The following PLCH2 variants were observed in gnomAD, a reference collection of about 807,000 sequenced individuals.
The protein encoded by PLCH2 is phospholipase C eta 2, also known as 1-phosphatidylinositol 4,5-bisphosphate phosphodiesterase eta-2.
A neutral mutation model predicts 134.7 loss-of-function variants in PLCH2; 98 were observed. The ratio of observed to expected loss-of-function variants is 0.73; its 90% CI spans 0.62 to 0.86. PLCH2 has a LOEUF of 0.86. Ranked by LOEUF, PLCH2 falls within the 40% of genes least tolerant of loss-of-function variation. The pLI, the probability that PLCH2 is intolerant of heterozygous loss-of-function variation, is 0.00. For synonymous variants in PLCH2, 974 were observed against 827.5 expected (o/e 1.18, Z -3.04); for missense variants, 1,994 against 1,986.6 (o/e 1.00, Z -0.07).
intron 2 of PLCH2, among the ~76,000 whole-genome samples, chr1:2,456,396 C>T (rs1025169109): frequency 2.0e-5 from 3 of 152,206 alleles, no homozygotes; most frequent in Non-Finnish European, 2.9e-5. Context: ...GGGCGGGTGG[C>T]GCTCTAGCCA....
chr1:2,444,238 C>G lies in PLCH2; in HGVS notation c.115+13609C>G, dbSNP rs1205377220. ...CCTCGGCAAACTTTCCTTCCCCGGGCTTCTGCGGAGGTCGCACTGGGGCTG... is the reference window on the plus strand; with the variant it reads ...CCTCGGCAAACTTTCCTTCCCCGGGGTTCTGCGGAGGTCGCACTGGGGCTG... On this transcript the variant is annotated intron_variant, in intron 2 of 3. Coordinates refer to the PLCH2 transcript ENST00000609981. This position sits in a 1 kb window ranked among gnomAD's most constrained non-coding sequence, Gnocchi z 4.6. Among the ~76,000 whole-genome samples, 1 of 152,232 alleles carries G rather than the reference C, an allele frequency of 6.6e-6. No homozygotes were observed. Among genetic ancestry groups the G allele is most frequent in the Non-Finnish European group, 1.5e-5 (1 of 68,032 alleles).
chr1:2,458,025 G>A (rs1246167927), intron 2 of PLCH2, among the ~76,000 whole-genome samples: 2 of 152,176 alleles, frequency 1.3e-5, no homozygotes, highest in African/African-American at 2.4e-5. Flanking sequence ...GCTGGTGGGC[G>A]CTGGGCTCAC....
At position 2,483,860 on chromosome 1, in the gene PLCH2, GGCGCTGACCCCCGTGTGGGT is replaced by G. The variant is rs1478664511; in HGVS notation, c.646-586_646-567del. ...GGTGGCGCTGACCCCCGTGTGGGGT[GGCGCTGACCCCCGTGTGGGT>G]GGCGCTGACTCCCGTGTGGGGGGGC... On this transcript the variant is annotated intron_variant, in intron 4 of 21. Transcript: ENST00000378486. Among the ~76,000 whole-genome samples, 9 of 133,388 alleles carry G rather than the reference GGCGCTGACCCCCGTGTGGGT, an allele frequency of 6.7e-5. 2 individuals are homozygous for G. Among genetic ancestry groups the G allele is most frequent in the Non-Finnish European group, 9.9e-5 (6 of 60,522 alleles). The allele number at this position is 133,388 out of a possible 152,430, so 87.5% of individuals were successfully genotyped here.
At chr1:2,483,879 GT>G (rs1642132170) in intron 4 of PLCH2, among the ~76,000 whole-genome samples, 1 of 142,218 alleles carries the variant, frequency 7.0e-6, no homozygotes, top group Admixed American at 6.9e-5. Context: ...CCCCGTGTGG[GT>G]GGCGCTGACT....
rs373331018 is a variant in PLCH2 at position 2,496,979 on chromosome 1, G to A, written c.2085G>A (p.Pro695=). The change falls in exon 15 of 22, where the codon CCG becomes CCA. Residue 695 remains proline (P), a synonymous_variant. Transcript: ENST00000378486. ...GTGTGGACTCCAGCAACTACAACCC[G>A]CAGCCCTTCTGGAACGCCGGCTGCC... ...SYRVDSSNYN[P]QPFWNAGCQM... The A allele has an allele frequency of 2.8e-4, 454 of 1,613,268 alleles. 7 individuals carry two copies. In the East Asian group the frequency reaches 5.3e-3, roughly 19 times the overall value.
chr1:2,461,493 C>T (rs1640798995), intron 2 of PLCH2, among the ~76,000 whole-genome samples: 2 of 152,164 alleles, frequency 1.3e-5, no homozygotes, highest in South Asian at 4.1e-4. Flanking sequence ...TGTGTGGGTC[C>T]TGCTGAGATG....
Position 2,437,792 on chromosome 1 carries a change from T to C in PLCH2, c.115+7163T>C, listed in dbSNP as rs375598135. Among the ~76,000 whole-genome samples the C allele has an allele frequency of 7.8e-3, 1,181 of 152,172 alleles. 9 individuals are homozygous for C. The highest frequency in any genetic ancestry group is 0.014 in the East Asian group (71 of 5,164). ...ATATGTATACCCACCCCCACACACA[T>C]AGGGAAACACATGTGTACATACAAC... On this transcript the variant is annotated intron_variant, in intron 2 of 3. Transcript: ENST00000609981.
At chr1:2,422,463 C>T (rs1638567111), upstream of PLCH2, among the ~76,000 whole-genome samples, 3 of 152,190 alleles carry the variant, frequency 2.0e-5, no homozygotes, top group African/African-American at 7.2e-5. Context: ...TGGTTGAAAT[C>T]AGTGAAGAGA....
the PLCH2 span, among the ~76,000 whole-genome samples, chr1:2,419,267 C>T: frequency 6.6e-6 from 1 of 152,224 alleles, no homozygotes; most frequent in Non-Finnish European, 1.5e-5. Flanking sequence ...GTGCTGCTGT[C>T]TGTCTATCCA....
At chr1:2,497,367 A>C in intron 15 of PLCH2, 135 bp from the exon 16 acceptor site, 1 of 670,176 alleles carries the variant, frequency 1.5e-6, no homozygotes, top group Non-Finnish European at 2.7e-6. Context: ...AGTCCCATTC[A>C]CATTGGGTGA....
At chr1:2,470,742 C>A (rs1372859731) in intron 1 of PLCH2, among the ~76,000 whole-genome samples, 46 of 152,182 alleles carry the variant, frequency 3.0e-4, no homozygotes, top group Non-Finnish European at 4.4e-5. Flanking sequence ...CTGCAGCCCC[C>A]TCCCCTCACT....
At position 2,504,328 on chromosome 1, in the gene PLCH2, C is replaced by T. The variant is rs564857617; in HGVS notation, c.3366C>T (p.Ser1122=). 6.0e-5 allele frequency: 96 copies of T among 1,609,886 alleles called. No homozygotes were observed. The highest frequency in any genetic ancestry group is 1.2e-4 in the Admixed American group (7 of 59,920). The change falls in exon 22 of 22, where the codon TCC becomes TCT. Residue 1122 remains serine, a synonymous_variant. Coordinates refer to ENST00000378486, the MANE Select transcript of PLCH2 (RefSeq NM_014638.4). The part of the protein sequence containing the change: ...AAPFPAPAVY[S]DATGSDPLWQ... ...CCTTTCCAGCTCCTGCCGTGTACTCCGATGCCACGGGCAGTGACCCGCTGT... is the reference window on the plus strand; with the variant it reads ...CCTTTCCAGCTCCTGCCGTGTACTCTGATGCCACGGGCAGTGACCCGCTGT...
At position 2,430,799 on chromosome 1, in the gene PLCH2, G is replaced by C. The variant is rs1639031754; in HGVS notation, c.115+170G>C. Reference sequence around the variant, plus strand: ...GAACTGGGGCTCTGCTAGCACCCCAGGGCAGGTGGGGCCGCCACGTGCAGA... The same window carrying C: ...GAACTGGGGCTCTGCTAGCACCCCACGGCAGGTGGGGCCGCCACGTGCAGA... On this transcript the variant is annotated intron_variant, in intron 2 of 3. Transcript: ENST00000609981. 2.0e-5 allele frequency among the ~76,000 whole-genome samples: 3 copies of C among 152,238 alleles called. No individual in the cohort carries two copies. In the South Asian group the frequency reaches 6.2e-4, roughly 32 times the overall value.
rs745626292 is a variant in PLCH2, at chr1:2,498,813, G to A, written c.2419G>A (p.Val807Met). ...GGACTGCAGCAGGGAGCAGACCCGCGTGGTGGACGACAACGGTGAGGCTGG... is the reference window on the plus strand; with the variant it reads ...GGACTGCAGCAGGGAGCAGACCCGCATGGTGGACGACAACGGTGAGGCTGG... The part of the protein sequence containing the change: ...PVDCSREQTR[V>M]VDDNGFNPTW... Residue 807 changes from valine (V) to methionine (M), a missense_variant, in exon 18 of 22, where the codon GTG becomes ATG. Val to Met is a conservative substitution (Grantham distance 21, BLOSUM62 1). Transcript: ENST00000378486. This position sits in a 1 kb window ranked among gnomAD's most constrained non-coding sequence, Gnocchi z 5.4. 6 of 1,609,986 alleles carry A rather than the reference G, an allele frequency of 3.7e-6. No homozygotes were observed. The highest frequency in any genetic ancestry group is 1.3e-5 in the African/African-American group (1 of 74,986).
At chr1:2,503,390 T>A in intron 21 of PLCH2, 3 of 588,524 alleles carry the variant, frequency 5.1e-6, no homozygotes, top group Non-Finnish European at 9.1e-6. Context: ...GTGCAGCTGC[T>A]GGGCGTCTCC....
chr1:2,484,522 C>G lies in PLCH2; in HGVS notation c.720C>G (p.Thr240=), dbSNP rs1341178117. The change falls in exon 5 of 22, where the codon ACC becomes ACG. Residue 240 remains threonine, a synonymous_variant. Coordinates refer to ENST00000378486, the MANE Select transcript of PLCH2 (RefSeq NM_014638.4). Reference sequence around the variant, plus strand: ...GTGCCTTCTACAAGATGATGTCCACCCGCCGGGACCTCTACCTGCTCATGC... The same window carrying G: ...GTGCCTTCTACAAGATGATGTCCACGCGCCGGGACCTCTACCTGCTCATGC... ...EFCAFYKMMS[T]RRDLYLLMLT... 1 of 1,613,338 alleles carries G rather than the reference C, an allele frequency of 6.2e-7. No individual in the cohort carries two copies. Among genetic ancestry groups the G allele is most frequent in the Non-Finnish European group, 8.5e-7 (1 of 1,179,792 alleles).
intron 1 of PLCH2, among the ~76,000 whole-genome samples, chr1:2,477,960 A>G (rs539522280): frequency 3.5e-4 from 53 of 152,254 alleles, no homozygotes; most frequent in African/African-American, 1.3e-3. Flanking sequence ...GCTGCCTGCT[A>G]GGCCCACCCC....
At chr1:2,443,167 G>A (rs901398569) in intron 2 of PLCH2, among the ~76,000 whole-genome samples, 2 of 152,210 alleles carry the variant, frequency 1.3e-5, no homozygotes, top group East Asian at 1.9e-4. Context: ...CTGGCCGCCC[G>A]ATGGGAGCTA....
chr1:2,483,326 G>A (rs1642076858), intron 4 of PLCH2, among the ~76,000 whole-genome samples: 1 of 152,202 alleles, frequency 6.6e-6, no homozygotes, highest in Non-Finnish European at 1.5e-5. Context: ...TCCTCAGTGG[G>A]GGGCCAGGGC....
Sources: gnomAD v4.1 joint callset for allele counts (sites outside exome capture counted in the v4.1 genomes callset) on GRCh38, gnomAD v4.1.1 for gene constraint, Gnocchi (gnomAD v3.1) non-coding constraint, MANE v1.5 for transcripts, NCBI Gene and HGNC (gene_info 2026-07-23, HGNC 2026-07-21) for gene names.